Variants in NFATC3 observed in about 807,000 individuals in gnomAD.
NFATC3 encodes nuclear factor of activated T cells 3, also known as nuclear factor of activated T-cells, cytoplasmic 3.
A neutral mutation model predicts 98.6 loss-of-function variants in NFATC3; 46 were observed. That is an observed-to-expected ratio of 0.47 (90% CI 0.37 to 0.60). The LOEUF is 0.60. Among genes scored for constraint, NFATC3 ranks in the 20% least tolerant of loss-of-function variants. NFATC3 has a pLI of 0.00. For synonymous variants in NFATC3, 512 were observed against 472.2 expected (o/e 1.08, Z -1.09); for missense variants, 1,256 against 1,295.5 (o/e 0.97, Z 0.47).
At chr16:68,179,649 G>A (rs1244720232) in intron 6 of NFATC3, among the ~76,000 whole-genome samples, 1 of 152,190 alleles carries the variant, frequency 6.6e-6, no homozygotes, top group African/African-American at 2.4e-5. Context: ...TACATCAGTC[G>A]GAGAGCTTTA....
chr16:68,103,237 C>A (rs1598362968), intron 1 of NFATC3, among the ~76,000 whole-genome samples: 2 of 151,052 alleles, frequency 1.3e-5, no homozygotes, highest in Non-Finnish European at 2.9e-5. Context: ...AGGTCTCACT[C>A]TGTTGCCCAG....
chr16:68,130,897 G>A (rs1043448779), intron 3 of NFATC3, among the ~76,000 whole-genome samples: 49 of 152,098 alleles, frequency 3.2e-4, no homozygotes, highest in Admixed American at 2.6e-4. Flanking sequence ...TTATTGAAGA[G>A]GATATCCTTT....
At chr16:68,152,378 CAAAAA>C (rs34713933) in intron 3 of NFATC3, among the ~76,000 whole-genome samples, 10 of 75,852 alleles carry the variant, frequency 1.3e-4, no homozygotes, top group African/African-American at 3.2e-4. Flanking sequence ...GACTCTGTCT[CAAAAA>C]AAAAAAAAAA....
At chr16:68,177,331 G>C (rs909384895) in intron 6 of NFATC3, among the ~76,000 whole-genome samples, 5 of 152,130 alleles carry the variant, frequency 3.3e-5, no homozygotes, top group Admixed American at 6.5e-5. Flanking sequence ...GATTACAGGC[G>C]TGAGCCTATG....
intron 7 of NFATC3, among the ~76,000 whole-genome samples, chr16:68,182,817 C>T (rs1216290039): frequency 1.3e-5 from 2 of 152,030 alleles, no homozygotes; most frequent in Non-Finnish European, 2.9e-5. Flanking sequence ...TCACACCTGG[C>T]TCCAGTTTAG....
intron 3 of NFATC3, among the ~76,000 whole-genome samples, chr16:68,145,093 A>G (rs1472750242): frequency 6.7e-6 from 1 of 148,568 alleles, no homozygotes; most frequent in East Asian, 2.0e-4. Flanking sequence ...AGCTTGACCC[A>G]CTATGCCTGG....
At position 68,123,009 on chromosome 16, in the gene NFATC3, G is replaced by A; in HGVS notation, c.1126G>A (p.Gly376Ser). 6.2e-7 allele frequency: 1 copy of A among 1,614,000 alleles called. No homozygotes were observed. ...AGCCCGGGAGACTTCAATAGATGAT[G>A]GCCTTGGATCTCAGTATCCTTTAAA... ...SPARETSIDDGLGSQYPLKKD... is the reference protein window; with the variant it reads ...SPARETSIDDSLGSQYPLKKD... Residue 376 changes from glycine to serine, a missense_variant, in exon 2 of 10, where the codon GGC becomes AGC. Coordinates refer to ENST00000346183, the MANE Select transcript of NFATC3 (RefSeq NM_173165.3).
At chr16:68,189,644 A>G (rs2040354273) in intron 8 of NFATC3, among the ~76,000 whole-genome samples, 1 of 152,136 alleles carries the variant, frequency 6.6e-6, no homozygotes. Context: ...GAACCTGGAA[A>G]GTCTTTCCAT....
chr16:68,179,569 A>T (rs2039868853), intron 6 of NFATC3, among the ~76,000 whole-genome samples: 1 of 152,258 alleles, frequency 6.6e-6, no homozygotes, highest in African/African-American at 2.4e-5. Flanking sequence ...TGAAGAAGTG[A>T]TGCAAGCTGT....
chr16:68,133,603 C>G (rs967399929), intron 3 of NFATC3, among the ~76,000 whole-genome samples: 2 of 152,110 alleles, frequency 1.3e-5, no homozygotes, highest in African/African-American at 4.8e-5. Context: ...GTTTATACCC[C>G]CAACCGAAGA....
intron 9 of NFATC3, among the ~76,000 whole-genome samples, chr16:68,213,122 A>G (rs1431879984): frequency 2.0e-5 from 3 of 150,578 alleles, no homozygotes; most frequent in African/African-American, 7.3e-5. Flanking sequence ...TCTTTAAAAT[A>G]CTAGTTTCAG....
At chr16:68,197,456 A>G (rs1228057357) in intron 9 of NFATC3, among the ~76,000 whole-genome samples, 1 of 152,044 alleles carries the variant, frequency 6.6e-6, no homozygotes, top group Non-Finnish European at 1.5e-5. Flanking sequence ...GCTAATAGTT[A>G]ACTTTAAAAG....
chr16:68,168,437 A>G (rs992024330), intron 5 of NFATC3, among the ~76,000 whole-genome samples: 1 of 152,000 alleles, frequency 6.6e-6, no homozygotes, highest in Non-Finnish European at 1.5e-5. Context: ...TGCTGGGATT[A>G]CAGGTGTGAG....
At chr16:68,151,228 C>T (rs141092542) in intron 3 of NFATC3, among the ~76,000 whole-genome samples, 3 of 152,078 alleles carry the variant, frequency 2.0e-5, no homozygotes, top group African/African-American at 4.8e-5. Flanking sequence ...TTGATAATGA[C>T]TATAGAAGAC....
intron 9 of NFATC3, among the ~76,000 whole-genome samples, chr16:68,194,920 CA>C (rs1338152576): frequency 1.3e-5 from 2 of 152,086 alleles, no homozygotes; most frequent in Non-Finnish European, 2.9e-5. Context: ...ACTGTAAAAG[CA>C]ATTTTATTTT....
chr16:68,181,663 G>A, intron 7 of NFATC3, 133 bp downstream of exon 7: 1 of 607,380 alleles, frequency 1.6e-6, no homozygotes, highest in Non-Finnish European at 2.9e-6. Context: ...GGGCATGGTG[G>A]CTCATGCCTG....
At position 68,192,246 on chromosome 16, in the gene NFATC3, T is replaced by C. The variant is rs1464139025; in HGVS notation, c.3106+471T>C. On this transcript the variant is annotated intron_variant, in intron 9 of 9. Transcript: ENST00000346183. Reference sequence around the variant, plus strand: ...AAAAAAAAAAATATATATATATATATATATATATGTATGTGTATATATATA... The same window carrying C: ...AAAAAAAAAAATATATATATATATACATATATATGTATGTGTATATATATA... The C allele has an allele frequency of 3.3e-4, 37 of 113,306 alleles. 2 individuals carry two copies. The highest frequency in any genetic ancestry group is 8.5e-4 in the South Asian group (3 of 3,518). 7.0% of individuals were successfully genotyped at this position (113,306 alleles called of 1,614,324 possible). A position where few individuals can be genotyped will look rare whatever the true frequency, so the allele number is the denominator to read the frequency against.
At chr16:68,120,481 A>T (rs2036512188) in intron 1 of NFATC3, among the ~76,000 whole-genome samples, 1 of 148,988 alleles carries the variant, frequency 6.7e-6, no homozygotes, top group Non-Finnish European at 1.5e-5. Context: ...TGGGAGGCTG[A>T]GGCTTGAGAA....
At chr16:68,086,074 C>CTGGTTGTCGTTGCTTTGCCAG (rs1244654630) in intron 1 of NFATC3, among the ~76,000 whole-genome samples, 6 of 152,208 alleles carry the variant, frequency 3.9e-5, no homozygotes, top group Non-Finnish European at 7.3e-5. Context: ...CAAGTGGCGT[C>CTGGTTGTCGTTGCTTTGCCAG]TGGTTGTCGT....
Sources: gnomAD v4.1 joint callset for allele counts (sites outside exome capture counted in the v4.1 genomes callset) on GRCh38, gnomAD v4.1.1 for gene constraint, MANE v1.5 for transcripts, NCBI Gene and HGNC (gene_info 2026-07-23, HGNC 2026-07-21) for gene names.